Variants in BRD4 observed in about 807,000 individuals in gnomAD.
The protein encoded by BRD4 is bromodomain-containing protein 4.
Under a neutral mutation model 142.1 loss-of-function variants are expected in BRD4, and 16 were observed. That is an observed-to-expected ratio of 0.11 (90% CI 0.08 to 0.17). The LOEUF is 0.17. Among genes scored for constraint, BRD4 ranks in the 10% least tolerant of loss-of-function variants. BRD4 has a pLI of 1.00. For synonymous variants in BRD4, 833 were observed against 707.5 expected, an observed-to-expected ratio of 1.18 and a Z score of -2.82; for missense variants, 1,424 against 1,810.9, an observed-to-expected ratio of 0.79 and a Z score of 3.88.
chr19:15,331,976 G>GGCGCCCGCGCCCC (rs1555749721), intron 1 of BRD4: 1 of 82,136 alleles, frequency 1.2e-5, no homozygotes, highest in African/African-American at 4.7e-5. Flanking sequence ...GCCCCGCCGC[G>GGCGCCCGCGCCCC]GCGCCCGCGC....
intron 1 of BRD4, among the ~76,000 whole-genome samples, chr19:15,325,997 CAAAAAA>C (rs35801340): frequency 1.4e-4 from 7 of 50,746 alleles, no homozygotes; most frequent in African/African-American, 4.8e-4. Flanking sequence ...GACTCCGTCT[CAAAAAA>C]AAAAAAAAAA....
chr19:15,251,438 C>CGGGGGGGGG lies in BRD4; in HGVS notation c.2158+2705_2158+2713dup. On this transcript the variant is annotated intron_variant, in intron 11 of 19. Coordinates refer to ENST00000679869, the MANE Select transcript of BRD4 (RefSeq NM_001379291.1). ...TCCAATCCAAATGGAAACACAAGAA[C>CGGGGGGGGG]GGGGGGGGGGGGGGGGGCGGGGGCG... 1.7e-3 allele frequency among the ~76,000 whole-genome samples: 12 copies of CGGGGGGGGG among 7,086 alleles called. No individual in the cohort carries two copies. Among genetic ancestry groups the CGGGGGGGGG allele is most frequent in the Middle Eastern group, 0.5 (1 of 2 alleles). 4.6% of individuals were successfully genotyped at this position (7,086 alleles called of 152,430 possible). A position where few individuals can be genotyped will look rare whatever the true frequency, so the allele number is the denominator to read the frequency against.
chr19:15,253,744 G>A (rs1310565390), intron 11 of BRD4: 3 of 1,598,448 alleles, frequency 1.9e-6, no homozygotes, highest in African/African-American at 1.3e-5. Flanking sequence ...GTGATACGGG[G>A]AAGGCCCTGG....
At chr19:15,254,329 GCA>G (rs1444301380) in intron 10 of BRD4, 67 bp from the exon 11 acceptor site, 7 of 1,323,094 alleles carry the variant, frequency 5.3e-6, no homozygotes, top group Non-Finnish European at 7.6e-6. Flanking sequence ...TAAGCCATGG[GCA>G]CACCCCATCC....
At chr19:15,257,457 G>T in intron 7 of BRD4, 1 of 485,848 alleles carries the variant, frequency 2.1e-6, no homozygotes, top group Non-Finnish European at 3.7e-6. Flanking sequence ...AAGGACATGA[G>T]ACCCAGGCCA....
At chr19:15,314,875 G>A (rs1318305859) in intron 1 of BRD4, among the ~76,000 whole-genome samples, 3 of 152,140 alleles carry the variant, frequency 2.0e-5, no homozygotes, top group Non-Finnish European at 4.4e-5. Flanking sequence ...GTAAGGTCTA[G>A]ACCAGACCTT....
At chr19:15,246,905 G>T (rs930477469) in intron 11 of BRD4, 1 of 171,462 alleles carries the variant, frequency 5.8e-6, no homozygotes, top group South Asian at 2.0e-4. Context: ...GCTGGTGGTA[G>T]AGGTACCCCC....
At chr19:15,317,978 T>TA (rs1301606409) in intron 1 of BRD4, among the ~76,000 whole-genome samples, 1 of 152,250 alleles carries the variant, frequency 6.6e-6, no homozygotes, top group African/African-American at 2.4e-5. Context: ...ACAACTCTAT[T>TA]ACTTGGCAGC....
chr19:15,289,758 G>C (rs1198184452), intron 1 of BRD4, among the ~76,000 whole-genome samples: 3 of 152,018 alleles, frequency 2.0e-5, no homozygotes, highest in African/African-American at 7.2e-5. Flanking sequence ...AGCTAGGAAA[G>C]ATGTGGCTCA....
At chr19:15,256,882 G>A (rs1599452840) in intron 8 of BRD4, 82 bp downstream of exon 8, 1 of 1,296,092 alleles carries the variant, frequency 7.7e-7, no homozygotes, top group African/African-American at 1.5e-5. Context: ...TCAGAACCAA[G>A]AACATCTCTT....
chr19:15,322,105 C>G (rs2048066358), intron 1 of BRD4, among the ~76,000 whole-genome samples: 1 of 151,974 alleles, frequency 6.6e-6, no homozygotes, highest in Non-Finnish European at 1.5e-5. Context: ...CTGACATGAC[C>G]CCCCCATAAG....
At chr19:15,313,089 T>A (rs1173885000) in intron 1 of BRD4, among the ~76,000 whole-genome samples, 1 of 150,582 alleles carries the variant, frequency 6.6e-6, no homozygotes, top group Non-Finnish European at 1.5e-5. Flanking sequence ...GTGTGAATTG[T>A]GGCCGGGCAC....
chr19:15,296,988 C>T (rs537285630), intron 1 of BRD4, among the ~76,000 whole-genome samples: 1 of 152,284 alleles, frequency 6.6e-6, no homozygotes, highest in South Asian at 2.1e-4. Flanking sequence ...GATCTTTGTT[C>T]AGATCCTGCC....
intron 11 of BRD4, chr19:15,244,993 A>G: frequency 1.3e-6 from 1 of 754,748 alleles, no homozygotes; most frequent in Non-Finnish European, 2.1e-6. Flanking sequence ...CTGTGCCTGA[A>G]AAAGCCTCCC....
chr19:15,251,961 G>C (rs748745108), intron 11 of BRD4, among the ~76,000 whole-genome samples: 2 of 152,252 alleles, frequency 1.3e-5, no homozygotes, highest in Non-Finnish European at 2.9e-5. Context: ...CTGGGAGCCT[G>C]GGAGCCAGCG....
chr19:15,245,524 C>T (rs956075733), intron 11 of BRD4, among the ~76,000 whole-genome samples: 14 of 152,170 alleles, frequency 9.2e-5, no homozygotes, highest in Admixed American at 9.2e-4. Flanking sequence ...TGTGGGCCGA[C>T]GGCTTGGCAC....
chr19:15,320,628 G>C (rs1478424184), intron 1 of BRD4, among the ~76,000 whole-genome samples: 2 of 152,128 alleles, frequency 1.3e-5, no homozygotes, highest in Non-Finnish European at 1.5e-5. Flanking sequence ...TCTCACTCCT[G>C]TGCTCCCTTC....
intron 1 of BRD4, among the ~76,000 whole-genome samples, chr19:15,298,143 T>C (rs990310153): frequency 6.6e-6 from 1 of 152,208 alleles, no homozygotes; most frequent in Non-Finnish European, 1.5e-5. Context: ...GACTTTATTA[T>C]AAGCAACAGT....
chr19:15,251,456 C>CG (rs1568381452), intron 11 of BRD4, among the ~76,000 whole-genome samples: 1 of 9,254 alleles, frequency 1.1e-4, no homozygotes. Flanking sequence ...GGGGGGGGGG[C>CG]GGGGGCGCGG....
Sources: gnomAD v4.1 joint callset for allele counts (sites outside exome capture counted in the v4.1 genomes callset) on GRCh38, gnomAD v4.1.1 for gene constraint, MANE v1.5 for transcripts, NCBI Gene and HGNC (gene_info 2026-07-23, HGNC 2026-07-21) for gene names.